The following ZNF365 variants were observed in gnomAD, a reference collection of about 807,000 sequenced individuals.
ZNF365 encodes protein ZNF365.
ZNF365 carries 22 observed loss-of-function variants against 35.0 expected under a neutral mutation model. The observed-to-expected ratio is 0.63, with a 90% CI of 0.45 to 0.90. The LOEUF (loss-of-function observed/expected upper bound fraction) is 0.90, where lower values mean the gene tolerates loss of function less well. Ranked by LOEUF, ZNF365 falls within the 40% of genes least tolerant of loss-of-function variation. The probability of loss-of-function intolerance (pLI) is 0.00; values close to 1 mark genes in which losing one functional copy is unlikely to be tolerated. For missense variants in ZNF365, 448 were observed against 500.3 expected, an observed-to-expected ratio of 0.90 and a Z score of 1.00; for synonymous variants, 188 against 196.2, an observed-to-expected ratio of 0.96 and a Z score of 0.35.
intron 3 of ZNF365, among the ~76,000 whole-genome samples, chr10:62,420,656 T>C (rs1031281918): frequency 6.6e-6 from 1 of 152,226 alleles, no homozygotes; most frequent in African/African-American, 2.4e-5. Flanking sequence ...CTTTGATTGA[T>C]TGCAAGTTGG....
At chr10:62,427,400 T>C (rs1473856515) in intron 3 of ZNF365, among the ~76,000 whole-genome samples, 1 of 152,176 alleles carries the variant, frequency 6.6e-6, no homozygotes, top group Non-Finnish European at 1.5e-5. Flanking sequence ...CAATAGGCTA[T>C]ACCACATACC....
chr10:62,455,995 A>T (rs958416304), intron 3 of ZNF365, among the ~76,000 whole-genome samples: 3 of 152,218 alleles, frequency 2.0e-5, no homozygotes, highest in African/African-American at 7.2e-5. Context: ...GACTTTACAC[A>T]GTGACTCCTG....
rs183459886 is a variant in ZNF365 at position 62,375,649 on chromosome 10, T to C, written c.-13-532T>C. 5.9e-3 allele frequency: 930 copies of C among 158,880 alleles called. 6 individuals are homozygous for C. The highest frequency in any genetic ancestry group is 9.5e-3 in the Non-Finnish European group (682 of 71,716). 9.8% of individuals were successfully genotyped at this position (158,880 alleles called of 1,614,324 possible). A position where few individuals can be genotyped will look rare whatever the true frequency, so the allele number is the denominator to read the frequency against. ...ACCCATTTTGACAATTCATGTGAGTTTTCATATGTTCTTGTGTTCACGCAT... is the reference window on the plus strand; with the variant it reads ...ACCCATTTTGACAATTCATGTGAGTCTTCATATGTTCTTGTGTTCACGCAT... On this transcript the variant is annotated intron_variant, in intron 1 of 4. Transcript: ENST00000395254.
chr10:62,409,848 G>C (rs1396959007), intron 3 of ZNF365, among the ~76,000 whole-genome samples: 1 of 152,064 alleles, frequency 6.6e-6, no homozygotes, highest in African/African-American at 2.4e-5. Flanking sequence ...TGCAACAGTG[G>C]GTACAGGAGA....
intron 3 of ZNF365, among the ~76,000 whole-genome samples, chr10:62,390,678 T>C (rs1476833587): frequency 2.0e-5 from 3 of 152,324 alleles, no homozygotes; most frequent in East Asian, 1.9e-4. Flanking sequence ...AATTTTGTCA[T>C]TGTATGAACA....
chr10:62,421,320 C>G (rs1206499786), intron 3 of ZNF365, among the ~76,000 whole-genome samples: 1 of 152,120 alleles, frequency 6.6e-6, no homozygotes, highest in African/African-American at 2.4e-5. Context: ...CTGGCCTTTA[C>G]CAAAAGAATC....
chr10:62,451,024 A>G (rs1840675812), intron 3 of ZNF365, among the ~76,000 whole-genome samples: 1 of 152,214 alleles, frequency 6.6e-6, no homozygotes, highest in Non-Finnish European at 1.5e-5. Flanking sequence ...ATAGCTTCTC[A>G]CTGCCTGGTG....
At position 62,401,240 on chromosome 10, in the gene ZNF365, C is replaced by G. The variant is rs1406327028; in HGVS notation, c.*1451C>G. On this transcript the variant is annotated 3_prime_UTR_variant, in exon 5 of 5. Coordinates refer to ENST00000395254, the MANE Select transcript of ZNF365 (RefSeq NM_014951.3). ...GTGTTTGTGGTGGGTGGTTTTTAAA[C>G]TATATATGTTTGTTCATGTAAACTG... is the stretch of plus-strand genomic sequence containing the variant. The G allele has an allele frequency of 1.0e-6, 1 of 984,932 alleles. No homozygotes were observed. Among genetic ancestry groups the G allele is most frequent in the Non-Finnish European group, 1.2e-6 (1 of 829,718 alleles). The allele number at this position is 984,932 out of a possible 1,614,324, so 61.0% of individuals were successfully genotyped here.
intron 3 of ZNF365, among the ~76,000 whole-genome samples, chr10:62,418,204 C>A (rs955740071): frequency 1.3e-5 from 2 of 151,902 alleles, no homozygotes; most frequent in Admixed American, 1.3e-4. Context: ...AGTCTCAACC[C>A]TGGTCAATAT....
At chr10:62,420,943 C>T (rs1378958969) in intron 3 of ZNF365, among the ~76,000 whole-genome samples, 4 of 151,090 alleles carry the variant, frequency 2.6e-5, no homozygotes, top group Non-Finnish European at 4.4e-5. Context: ...TCACCACACC[C>T]GGCTAGTTTT....
intron 3 of ZNF365, among the ~76,000 whole-genome samples, chr10:62,427,559 A>G (rs753546952): frequency 2.0e-5 from 3 of 152,234 alleles, no homozygotes; most frequent in African/African-American, 7.2e-5. Flanking sequence ...GAAAAATATA[A>G]GCAATACAGT....
chr10:62,415,439 T>C (rs776744549), intron 3 of ZNF365, among the ~76,000 whole-genome samples: 6 of 152,136 alleles, frequency 3.9e-5, no homozygotes, highest in East Asian at 1.9e-4. Context: ...TATTACGATA[T>C]TGTTTCTTAG....
chr10:62,388,544 T>C lies in ZNF365; in HGVS notation c.892T>C (p.Ser298Pro). ...TGAGTACTATCAGAGCCAGCAGGCC[T>C]CTGGCTTTGTCCGTGATCTCAGCGG... is the stretch of plus-strand genomic sequence containing the variant. ...QLEYYQSQQASGFVRDLSGHV... is the reference protein window; with the variant it reads ...QLEYYQSQQAPGFVRDLSGHV... The change falls in exon 3 of 5, where the codon TCT becomes CCT. Residue 298 changes from serine to proline, a missense_variant. Ser to Pro is a moderately conservative substitution (Grantham distance 74). Around this residue, in one of 3 missense-constraint regions of ZNF365, gnomAD observed 362 missense variants for 375.7 expected, o/e 0.96. Transcript: ENST00000395254. 1 of 1,614,102 alleles carries C rather than the reference T, an allele frequency of 6.2e-7. No individual in the cohort carries two copies. Among genetic ancestry groups the C allele is most frequent in the Non-Finnish European group, 8.5e-7 (1 of 1,180,024 alleles).
intron 3 of ZNF365, among the ~76,000 whole-genome samples, chr10:62,443,294 T>G (rs902150968): frequency 1.3e-5 from 2 of 152,188 alleles, no homozygotes; most frequent in African/African-American, 4.8e-5. Flanking sequence ...AATTAGTTAT[T>G]CCATTCCTTC....
intron 3 of ZNF365, among the ~76,000 whole-genome samples, chr10:62,397,458 C>T (rs1022013489): frequency 6.6e-6 from 1 of 152,186 alleles, no homozygotes; most frequent in South Asian, 2.1e-4. Flanking sequence ...TTCTCTTCTT[C>T]TGTTGGTCTG....
chr10:62,473,915 A>C (rs919904920), intron 4 of ZNF365, among the ~76,000 whole-genome samples: 4 of 152,212 alleles, frequency 2.6e-5, no homozygotes, highest in Non-Finnish European at 4.4e-5. Context: ...TTCTTTCTTT[A>C]GAACACCAAA....
At chr10:62,472,500 G>A (rs974194816) in intron 4 of ZNF365, among the ~76,000 whole-genome samples, 2 of 152,146 alleles carry the variant, frequency 1.3e-5, no homozygotes, top group African/African-American at 4.8e-5. Context: ...AACACATAGA[G>A]GGAAGATAAT....
At chr10:62,459,683 T>C in intron 3 of ZNF365, 1 of 1,541,314 alleles carries the variant, frequency 6.5e-7, no homozygotes, top group Non-Finnish European at 8.8e-7. Context: ...TTGCTGTGAC[T>C]TATTCAGTCT....
intron 3 of ZNF365, among the ~76,000 whole-genome samples, chr10:62,455,204 G>T (rs578238640): frequency 1.2e-4 from 18 of 152,298 alleles, no homozygotes; most frequent in African/African-American, 4.3e-4. Flanking sequence ...TGGCAGCACT[G>T]TGGAGACAGC....
Sources: gnomAD v4.1 joint callset for allele counts (sites outside exome capture counted in the v4.1 genomes callset) on GRCh38, gnomAD v4.1.1 for gene constraint, gnomAD v4.1.1 regional missense constraint, MANE v1.5 for transcripts, NCBI Gene and HGNC (gene_info 2026-07-23, HGNC 2026-07-21) for gene names.